The following ZNF284 variants were observed in gnomAD, a reference collection of about 807,000 sequenced individuals.
The protein encoded by ZNF284 is zinc finger protein 284.
Under a neutral mutation model 12.9 loss-of-function variants are expected in ZNF284, and 12 were observed. The observed-to-expected ratio is 0.93, with a 90% confidence interval of 0.60 to 1.51. The LOEUF (loss-of-function observed/expected upper bound fraction) is 1.51. Among genes scored for constraint, ZNF284 ranks in the 40% most tolerant of loss-of-function variants. ZNF284 has a pLI of 0.00. For synonymous variants in ZNF284, 225 were observed against 236.5 expected (o/e 0.95, Z 0.45); for missense variants, 667 against 707.3 (o/e 0.94, Z 0.65).
chr19:44,082,153 T>C, intron 4 of ZNF284, 48 bp downstream of exon 4: 1 of 1,501,210 alleles, frequency 6.7e-7, no homozygotes, highest in South Asian at 1.2e-5. Flanking sequence ...CTTCCATCTG[T>C]TTTACTTCTG....
chr19:44,084,212 C>G (rs1460709539), intron 4 of ZNF284, among the ~76,000 whole-genome samples: 1 of 152,178 alleles, frequency 6.6e-6, no homozygotes, highest in East Asian at 1.9e-4. Context: ...CCCCAGATGG[C>G]ATGCTCCAGC....
intron 4 of ZNF284, 81 bp from the exon 5 acceptor site, chr19:44,085,633 A>G (rs2147508165): frequency 8.0e-7 from 1 of 1,248,596 alleles, no homozygotes; most frequent in South Asian, 1.4e-5. Flanking sequence ...GTAAAGTTTC[A>G]GGCCATGTCC....
intron 2 of ZNF284, among the ~76,000 whole-genome samples, chr19:44,077,318 C>T (rs771021367): frequency 1.3e-5 from 2 of 152,150 alleles, no homozygotes; most frequent in Non-Finnish European, 2.9e-5. Context: ...TTTCCCCATG[C>T]TTAAGTCATG....
In ZNF284 at chr19:44,082,120, A is replaced by G. The variant is rs1207288566; in HGVS notation, c.235+15A>G. 3.8e-6 allele frequency: 6 copies of G among 1,597,090 alleles called. No homozygotes were observed. In the African/African-American group the frequency reaches 5.4e-5, roughly 14 times the overall value. On this transcript the variant is annotated intron_variant, in intron 4 of 4. Transcript: ENST00000421176. ...AGGGAATTCAGGTAAGAACCAAGCAACGATGCATCCTTGTACGTGACCCTT... is the reference window on the plus strand; with the variant it reads ...AGGGAATTCAGGTAAGAACCAAGCAGCGATGCATCCTTGTACGTGACCCTT...
In ZNF284 at chr19:44,081,007, T is replaced by A. The variant is rs1354633368; in HGVS notation, c.16-8T>A. The A allele has an allele frequency of 6.2e-7, 1 of 1,609,688 alleles. No individual in the cohort carries two copies. Among genetic ancestry groups the A allele is most frequent in the East Asian group, 2.2e-5 (1 of 44,702 alleles). On this transcript the variant is annotated splice_polypyrimidine_tract_variant and splice_region_variant and intron_variant, in intron 2 of 4. Transcript: ENST00000421176. ...TGAGATTGAGATTGCATACGTTTGT[T>A]GTTGTAGGAGGCAGTGACCTTCAAG... is the stretch of plus-strand genomic sequence containing the variant.
In ZNF284 at chr19:44,077,692, A is replaced by T. The variant is rs568575460; in HGVS notation, c.15+1288A>T. Among the ~76,000 whole-genome samples, 14 of 152,050 alleles carry T rather than the reference A, an allele frequency of 9.2e-5. No individual in the cohort carries two copies. In the East Asian group the frequency reaches 2.7e-3, roughly 29 times the overall value. Reference sequence around the variant, plus strand: ...CAGTTCTCAGCCTCATCTTCCTCTTAAATATGTGAAATATGAGAAACCTGC... The same window carrying T: ...CAGTTCTCAGCCTCATCTTCCTCTTTAATATGTGAAATATGAGAAACCTGC... On this transcript the variant is annotated intron_variant, in intron 2 of 4. Transcript: ENST00000421176.
intron 2 of ZNF284, among the ~76,000 whole-genome samples, chr19:44,078,404 C>A (rs946068416): frequency 1.3e-5 from 2 of 152,186 alleles, no homozygotes; most frequent in African/African-American, 4.8e-5. Flanking sequence ...TATATGATCA[C>A]AATTTTAAAC....
In ZNF284 at chr19:44,088,258, T is replaced by C. The variant is rs1441730039; in HGVS notation, c.*998T>C. 1.2e-5 allele frequency: 1 copy of C among 80,652 alleles called. No homozygotes were observed. The highest frequency in any genetic ancestry group is 4.6e-5 in the Non-Finnish European group (1 of 21,510). 5.0% of individuals were successfully genotyped at this position (80,652 alleles called of 1,614,324 possible). Reference sequence around the variant, plus strand: ...ATGTCAACTTTTTAGCTTCCACATATGTGTGAAAACATGTGGTATTTATCT... The same window carrying C: ...ATGTCAACTTTTTAGCTTCCACATACGTGTGAAAACATGTGGTATTTATCT... On this transcript the variant is annotated 3_prime_UTR_variant, in exon 5 of 5. Coordinates refer to ENST00000421176, the MANE Select transcript of ZNF284 (RefSeq NM_001037813.4).
intron 1 of ZNF284, among the ~76,000 whole-genome samples, chr19:44,074,041 A>AT (rs375099631): frequency 0.031 from 4,589 of 147,534 alleles, 209 homozygotes; most frequent in African/African-American, 0.1. Context: ...TCGTTATCTC[A>AT]TTTTTTTTTT....
intron 2 of ZNF284, among the ~76,000 whole-genome samples, chr19:44,078,887 T>C (rs1195671490): frequency 1.3e-5 from 2 of 152,102 alleles, no homozygotes. Context: ...GCCTCCTGGG[T>C]TCAAACGATT....
Position 44,085,934 on chromosome 19 carries a change from T to TA in ZNF284, c.462dup (p.Phe155IlefsTer4). 3 of 1,614,142 alleles carry TA rather than the reference T, an allele frequency of 1.9e-6. No homozygotes were observed. Among genetic ancestry groups the TA allele is most frequent in the Non-Finnish European group, 2.5e-6 (3 of 1,180,012 alleles). On this transcript the variant is annotated frameshift_variant, in exon 5 of 5. Transcript: ENST00000421176. LOFTEE classifies it low-confidence loss of function (END_TRUNC). The stretch of plus-strand genomic sequence containing the variant: ...AGACACCTTCTGAGCATGGGAAGTG[T>TA]AAAAAATTCTTCAGTGATGTCTCCA...
chr19:44,081,053 C>T lies in ZNF284; in HGVS notation c.54C>T (p.Thr18=), dbSNP rs112064204. 9.9e-6 allele frequency: 16 copies of T among 1,612,742 alleles called. No individual in the cohort carries two copies. The highest frequency in any genetic ancestry group is 4.0e-5 in the African/African-American group (3 of 74,862). ...TCAAGGATGTGGCTGTGGTCTTCAC[C>T]GAGGAGGAGCTGGGGCTGCTGGACG... is the stretch of plus-strand genomic sequence containing the variant. ...VTFKDVAVVF[T]EEELGLLDVS... is the part of the protein sequence containing the mutation. The change falls in exon 3 of 5, where the codon ACC becomes ACT. Residue 18 remains threonine, a synonymous_variant. Transcript: ENST00000421176.
At chr19:44,083,472 T>TAGAGAGAGAGAG (rs1435032212) in intron 4 of ZNF284, among the ~76,000 whole-genome samples, 3 of 64,600 alleles carry the variant, frequency 4.6e-5, no homozygotes, top group African/African-American at 1.6e-4. Context: ...TATATATATA[T>TAGAGAGAGAGAG]ATAGAGAGAG....
intron 1 of ZNF284, among the ~76,000 whole-genome samples, chr19:44,073,415 C>G (rs573945957): frequency 6.6e-6 from 1 of 152,124 alleles, no homozygotes; most frequent in African/African-American, 2.4e-5. Flanking sequence ...TCATTTATTA[C>G]AAATATTTCA....
intron 4 of ZNF284, among the ~76,000 whole-genome samples, chr19:44,082,847 A>G (rs1967150503): frequency 6.6e-6 from 1 of 152,080 alleles, no homozygotes; most frequent in Non-Finnish European, 1.5e-5. Flanking sequence ...TCACTCCTGC[A>G]TAATCTAGAA....
At position 44,082,018 on chromosome 19, in the gene ZNF284, C is replaced by T. The variant is rs767649596; in HGVS notation, c.148C>T (p.Gln50Ter). ...NFRNLLSVGH[Q>*]LSHRDTFHFQ... ...GCATGTGACTTTGTTCACAGGGCAT[C>T]AACTTTCCCACCGAGATACTTTTCA... Residue 50 changes from glutamine (Q) to a stop codon, truncating the protein, a stop_gained, in exon 4 of 5, where the codon CAA becomes TAA. Coordinates refer to ENST00000421176, the MANE Select transcript of ZNF284 (RefSeq NM_001037813.4). LOFTEE classifies it high-confidence loss of function. 1 of 1,611,334 alleles carries T rather than the reference C, an allele frequency of 6.2e-7. No homozygotes were observed. Among genetic ancestry groups the T allele is most frequent in the African/African-American group, 1.3e-5 (1 of 74,156 alleles).
Position 44,075,897 on chromosome 19 carries a change from T to C in ZNF284, c.-68-425T>C, listed in dbSNP as rs753475685. ...ATTTTTATCTCCCAGTTGGACTCCT[T>C]GTGCCCATTTATAGTTAAACCTCAT... On this transcript the variant is annotated intron_variant, in intron 1 of 4. Transcript: ENST00000421176. Among the ~76,000 whole-genome samples the C allele has an allele frequency of 5.8e-4, 88 of 152,324 alleles. 1 individual carries two copies. The highest frequency in any genetic ancestry group is 6.8e-3 in the Middle Eastern group (2 of 294).
chr19:44,076,827 T>A (rs2147495170), intron 2 of ZNF284, among the ~76,000 whole-genome samples: 1 of 152,012 alleles, frequency 6.6e-6, no homozygotes, highest in East Asian at 1.9e-4. Context: ...CCTTTTTTTT[T>A]TTTTTTCCTC....
chr19:44,078,780 A>C (rs920132268), intron 2 of ZNF284, among the ~76,000 whole-genome samples: 1 of 151,982 alleles, frequency 6.6e-6, no homozygotes, highest in African/African-American at 2.4e-5. Context: ...AAATTAAACT[A>C]AATTATTATT....
Sources: gnomAD v4.1 joint callset for allele counts (sites outside exome capture counted in the v4.1 genomes callset) on GRCh38, gnomAD v4.1.1 for gene constraint, MANE v1.5 for transcripts, NCBI Gene and HGNC (gene_info 2026-07-23, HGNC 2026-07-21) for gene names.